The following FLNB variants were observed in gnomAD, a reference collection of about 807,000 sequenced individuals.
The protein encoded by FLNB is filamin B.
In FLNB, 111 loss-of-function variants were observed where a neutral mutation model predicts 250.6. The observed-to-expected ratio is 0.44, with a 90% confidence interval of 0.38 to 0.52. The LOEUF (loss-of-function observed/expected upper bound fraction) is 0.52. FLNB is among the 20% of genes least tolerant of loss of function. The pLI, the probability that FLNB is intolerant of heterozygous loss-of-function variation, is 0.00. For synonymous variants in FLNB, 1,302 were observed against 1,372.1 expected, an observed-to-expected ratio of 0.95 and a Z score of 1.13; for missense variants, 2,869 against 3,447.8, an observed-to-expected ratio of 0.83 and a Z score of 4.20.
Position 58,094,845 on chromosome 3 carries a change from C to G in FLNB, c.797C>G (p.Pro266Arg), listed in dbSNP as rs757322226. Residue 266 changes from proline to arginine, a missense_variant, in exon 5 of 46, where the codon CCC becomes CGC. This residue lies in a region of FLNB where 308 missense variants were observed against 466.1 expected (regional missense o/e 0.66). Transcript: ENST00000295956. ...KARAYGRGIEPTGNMVKQPAK... is the reference protein window; with the variant it reads ...KARAYGRGIERTGNMVKQPAK... Reference sequence around the variant, plus strand: ...TGTAAACCTGTGGCAGGAATCGAGCCCACTGGAAACATGGTGAAGCAGCCA... The same window carrying G: ...TGTAAACCTGTGGCAGGAATCGAGCGCACTGGAAACATGGTGAAGCAGCCA... 1.2e-6 allele frequency: 2 copies of G among 1,613,878 alleles called. No homozygotes were observed. The highest frequency in any genetic ancestry group is 1.7e-6 in the Non-Finnish European group (2 of 1,179,906).
At chr3:58,055,232 C>T (rs2097168592) in intron 1 of FLNB, among the ~76,000 whole-genome samples, 1 of 151,888 alleles carries the variant, frequency 6.6e-6, no homozygotes, top group African/African-American at 2.4e-5. Flanking sequence ...TGCCACTGTA[C>T]TCCAGCCTGG....
chr3:58,155,052 A>T, intron 40 of FLNB, 124 bp downstream of exon 40: 1 of 928,046 alleles, frequency 1.1e-6, no homozygotes, highest in South Asian at 1.4e-5. Flanking sequence ...CACATGGGAC[A>T]GCCTCCTAGA....
chr3:58,167,310 T>TTGG (rs142694471), intron 43 of FLNB, among the ~76,000 whole-genome samples: 3,385 of 152,238 alleles, frequency 0.022, 136 homozygotes, highest in African/African-American at 0.077. Flanking sequence ...TGAGATAGTG[T>TTGG]TGGGGGTGGA....
chr3:58,050,772 G>A (rs1036901985), intron 1 of FLNB, among the ~76,000 whole-genome samples: 33 of 152,232 alleles, frequency 2.2e-4, no homozygotes, highest in Non-Finnish European at 1.5e-5. Context: ...TGGGGTGGCT[G>A]AGACAGGTCC....
At chr3:58,120,943 T>C (rs955722714) in intron 19 of FLNB, among the ~76,000 whole-genome samples, 1 of 152,196 alleles carries the variant, frequency 6.6e-6, no homozygotes, top group Non-Finnish European at 1.5e-5. Context: ...CCCCATAGGA[T>C]TGTGGTGAAA....
chr3:58,109,723 C>G (rs1446597434), intron 15 of FLNB, 24 bp downstream of exon 15: 1 of 1,613,986 alleles, frequency 6.2e-7, no homozygotes, highest in Non-Finnish European at 8.5e-7. Flanking sequence ...TTGTTCAACC[C>G]AGTGATCATT....
intron 1 of FLNB, among the ~76,000 whole-genome samples, chr3:58,053,562 G>A (rs977555000): frequency 6.6e-6 from 1 of 152,220 alleles, no homozygotes; most frequent in Non-Finnish European, 1.5e-5. Context: ...CTGGGTTCAA[G>A]TGATTCTTCT....
At chr3:58,029,791 G>T (rs539828406) in intron 1 of FLNB, among the ~76,000 whole-genome samples, 2 of 152,140 alleles carry the variant, frequency 1.3e-5, no homozygotes, top group African/African-American at 4.8e-5. Flanking sequence ...GGGATTATAG[G>T]GGGGAGCCAC....
intron 6 of FLNB, among the ~76,000 whole-genome samples, chr3:58,096,482 G>C (rs1189232913): frequency 1.3e-5 from 2 of 152,022 alleles, no homozygotes; most frequent in African/African-American, 4.8e-5. Flanking sequence ...AGATGCTGTG[G>C]TGACTACACT....
At chr3:58,094,747 C>T in intron 4 of FLNB, 89 bp from the exon 5 acceptor site, 2 of 1,104,368 alleles carry the variant, frequency 1.8e-6, no homozygotes, top group Non-Finnish European at 2.8e-6. Context: ...TGGGTCCCAT[C>T]TCTCAGTTCC....
intron 1 of FLNB, among the ~76,000 whole-genome samples, chr3:58,062,022 C>T (rs577283666): frequency 5.3e-5 from 8 of 150,852 alleles, no homozygotes; most frequent in South Asian, 4.2e-4. Flanking sequence ...ACCTGGGAGG[C>T]GGAGGTTGCA....
chr3:58,158,639 C>T (rs556232922), intron 41 of FLNB, among the ~76,000 whole-genome samples: 2 of 152,326 alleles, frequency 1.3e-5, no homozygotes, highest in Non-Finnish European at 2.9e-5. Context: ...TGCTGCTGTT[C>T]AGGATTGGCT....
chr3:58,117,474 G>A (rs2097280459), intron 18 of FLNB, among the ~76,000 whole-genome samples: 1 of 152,202 alleles, frequency 6.6e-6, no homozygotes, highest in Non-Finnish European at 1.5e-5. Flanking sequence ...GAGGGAGGAG[G>A]TATCCCCAAG....
chr3:58,025,133 C>CTTTTTTTTTTTTTT (rs57706596), intron 1 of FLNB, among the ~76,000 whole-genome samples: 1 of 116,550 alleles, frequency 8.6e-6, no homozygotes, highest in Non-Finnish European at 1.7e-5. Flanking sequence ...TTCTTTCTTT[C>CTTTTTTTTTTTTTT]TTTTTTTTTT....
At chr3:58,089,439 G>T (rs1453602203) in intron 4 of FLNB, among the ~76,000 whole-genome samples, 1 of 151,588 alleles carries the variant, frequency 6.6e-6, no homozygotes, top group East Asian at 1.9e-4. Context: ...CCAGCTACTC[G>T]GGAGGCTGAG....
intron 17 of FLNB, 72 bp downstream of exon 17, chr3:58,111,953 C>T: frequency 7.6e-7 from 1 of 1,324,114 alleles, no homozygotes; most frequent in Non-Finnish European, 1.1e-6. Flanking sequence ...TCATCCACGG[C>T]CTTGAGGAAC....
intron 1 of FLNB, among the ~76,000 whole-genome samples, chr3:58,044,065 C>T (rs571353265): frequency 3.9e-5 from 6 of 152,304 alleles, no homozygotes; most frequent in South Asian, 4.2e-4. Context: ...ACATTTCACT[C>T]GGTGTAGCCA....
intron 1 of FLNB, among the ~76,000 whole-genome samples, chr3:58,014,654 C>T (rs2097103364): frequency 6.6e-6 from 1 of 152,192 alleles, no homozygotes; most frequent in South Asian, 2.1e-4. Context: ...CTTAGGGGAG[C>T]AGATACCCAG....
Position 58,109,735 on chromosome 3 carries a change from C to T in FLNB, c.2323+36C>T, listed in dbSNP as rs748224038. The T allele has an allele frequency of 9.9e-6, 16 of 1,613,782 alleles. No homozygotes were observed. The Admixed American group carries it at 2.5e-4, about 25-fold the overall frequency. On this transcript the variant is annotated intron_variant, in intron 15 of 45. Coordinates refer to ENST00000295956, the MANE Select transcript of FLNB (RefSeq NM_001457.4). ...GCTTTGTTCAACCCAGTGATCATTG[C>T]TCCGTGGGGAAGGCAGTTCTTTTCA...
Sources: allele counts gnomAD v4.1 joint callset (sites outside exome capture counted in the v4.1 genomes callset), GRCh38; gene constraint gnomAD v4.1.1; regional missense constraint gnomAD v4.1.1; transcripts MANE v1.5; gene names NCBI Gene and HGNC (gene_info 2026-07-23, HGNC 2026-07-21).